KCNMB4: variants seen among roughly 807,000 people sequenced by gnomAD.
The protein encoded by KCNMB4 is calcium-activated potassium channel subunit beta-4.
A neutral mutation model predicts 20.7 loss-of-function variants in KCNMB4; 3 were observed. That is an observed-to-expected ratio of 0.14 (90% CI 0.07 to 0.37). The LOEUF is 0.37. Ranked by LOEUF, KCNMB4 falls within the 10% of genes least tolerant of loss-of-function variation. The pLI, the probability that KCNMB4 is intolerant of heterozygous loss-of-function variation, is 1.00. For synonymous variants in KCNMB4, 110 were observed against 113.4 expected (o/e 0.97, Z 0.19); for missense variants, 168 against 265.9 (o/e 0.63, Z 2.56).
intron 1 of KCNMB4, among the ~76,000 whole-genome samples, chr12:70,373,947 G>T (rs1194609425): frequency 6.6e-6 from 1 of 152,200 alleles, no homozygotes; most frequent in African/African-American, 2.4e-5. Context: ...ATTTAAGTAT[G>T]TGCTTTAGGA....
At chr12:70,426,910 T>G (rs1447412197) in intron 2 of KCNMB4, among the ~76,000 whole-genome samples, 2 of 152,190 alleles carry the variant, frequency 1.3e-5, no homozygotes, top group Non-Finnish European at 2.9e-5. Flanking sequence ...CAGTATTTAC[T>G]CTTCTTTTGT....
intron 2 of KCNMB4, among the ~76,000 whole-genome samples, chr12:70,407,294 C>T (rs761494063): frequency 2.0e-4 from 30 of 151,992 alleles, no homozygotes; most frequent in Non-Finnish European, 3.7e-4. Context: ...ACCACCTTCC[C>T]AGCACCTTGA....
At position 70,431,796 on chromosome 12, in the gene KCNMB4, C is replaced by T. The variant is rs937999678; in HGVS notation, c.*1143C>T. ...TCTCAGTGAACATCAAACCTATTTA[C>T]TACATAGAATCAAACCTTTGTTTAG... On this transcript the variant is annotated 3_prime_UTR_variant, in exon 3 of 3. Transcript: ENST00000258111. 1.3e-5 allele frequency: 2 copies of T among 152,116 alleles called. No homozygotes were observed. The highest frequency in any genetic ancestry group is 2.9e-5 in the Non-Finnish European group (2 of 68,024). 9.4% of individuals were successfully genotyped at this position (152,116 alleles called of 1,614,324 possible).
intron 2 of KCNMB4, among the ~76,000 whole-genome samples, chr12:70,414,154 C>A (rs991716779): frequency 6.6e-6 from 1 of 152,104 alleles, no homozygotes; most frequent in Non-Finnish European, 1.5e-5. Flanking sequence ...ATTGCTTGAA[C>A]CCGGGAGGCA....
At chr12:70,392,755 TCTCA>T (rs1371476721) in intron 1 of KCNMB4, among the ~76,000 whole-genome samples, 9 of 152,134 alleles carry the variant, frequency 5.9e-5, no homozygotes, top group African/African-American at 2.2e-4. Flanking sequence ...CACTGCATGT[TCTCA>T]CTCATAAGTG....
intron 2 of KCNMB4, among the ~76,000 whole-genome samples, chr12:70,410,546 G>C (rs766643974): frequency 5.9e-5 from 9 of 152,200 alleles, no homozygotes; most frequent in Non-Finnish European, 1.2e-4. Context: ...AAATTGTGCA[G>C]CTTCTCCATC....
chr12:70,388,732 A>G (rs1868276852), intron 1 of KCNMB4, among the ~76,000 whole-genome samples: 1 of 152,192 alleles, frequency 6.6e-6, no homozygotes, highest in African/African-American at 2.4e-5. Flanking sequence ...GTAAAATGAG[A>G]ATTATAATAG....
chr12:70,387,592 G>C (rs573345291), intron 1 of KCNMB4, among the ~76,000 whole-genome samples: 1 of 151,856 alleles, frequency 6.6e-6, no homozygotes, highest in African/African-American at 2.4e-5. Flanking sequence ...AGTACAGACG[G>C]GGTTTTACCA....
intron 1 of KCNMB4, among the ~76,000 whole-genome samples, chr12:70,390,644 T>TCTGG (rs1257571649): frequency 2.0e-5 from 3 of 152,316 alleles, no homozygotes; most frequent in Admixed American, 6.5e-5. Context: ...CTGCTCTGAT[T>TCTGG]GCTACTGAAA....
Position 70,399,518 on chromosome 12 carries a change from G to A in KCNMB4, c.337-691G>A, listed in dbSNP as rs1449171945. 2.0e-5 allele frequency among the ~76,000 whole-genome samples: 3 copies of A among 152,224 alleles called. No individual in the cohort carries two copies. The East Asian group carries it at 5.8e-4, about 29-fold the overall frequency. ...CGTCATCGTTGTAAAAAGCTGAATT[G>A]CAGAAAATGGATTAGAATGCCGAGA... On this transcript the variant is annotated intron_variant, in intron 1 of 2. Coordinates refer to ENST00000258111, the MANE Select transcript of KCNMB4 (RefSeq NM_014505.6).
intron 2 of KCNMB4, among the ~76,000 whole-genome samples, chr12:70,402,949 T>C (rs11178221): frequency 0.59 from 90,030 of 151,982 alleles, 26,890 homozygotes; most frequent in East Asian, 0.77. Context: ...GCAACCTCCC[T>C]TCATGTATCC....
chr12:70,406,924 A>G (rs536416116), intron 2 of KCNMB4, among the ~76,000 whole-genome samples: 16 of 152,318 alleles, frequency 1.1e-4, no homozygotes, highest in African/African-American at 3.4e-4. Context: ...TCTCGCAACA[A>G]TTCTGACACC....
chr12:70,397,386 A>C (rs1476214199), intron 1 of KCNMB4, among the ~76,000 whole-genome samples: 1 of 152,176 alleles, frequency 6.6e-6, no homozygotes, highest in South Asian at 2.1e-4. Context: ...TAGTTTTAAA[A>C]AGTTGCTAGA....
intron 2 of KCNMB4, among the ~76,000 whole-genome samples, chr12:70,425,311 G>A (rs1325306602): frequency 4.6e-5 from 7 of 152,048 alleles, no homozygotes; most frequent in African/African-American, 1.2e-4. Flanking sequence ...GGTGGTGGGC[G>A]CCTGTAGTCC....
At chr12:70,389,002 C>T (rs1253568262) in intron 1 of KCNMB4, among the ~76,000 whole-genome samples, 3 of 148,534 alleles carry the variant, frequency 2.0e-5, no homozygotes, top group Admixed American at 1.3e-4. Context: ...CTCTGTGTTT[C>T]TAAACAATAG....
chr12:70,395,076 A>G (rs1218659299), intron 1 of KCNMB4, among the ~76,000 whole-genome samples: 1 of 148,466 alleles, frequency 6.7e-6, no homozygotes, highest in Non-Finnish European at 1.5e-5. Flanking sequence ...TAGCTGACAG[A>G]TATTTCTTAT....
intron 2 of KCNMB4, among the ~76,000 whole-genome samples, chr12:70,409,669 G>C (rs1158292691): frequency 6.6e-6 from 1 of 152,216 alleles, no homozygotes; most frequent in Non-Finnish European, 1.5e-5. Flanking sequence ...ATTACGGCAT[G>C]ATGGGGAATT....
chr12:70,379,159 T>C (rs1458832970), intron 1 of KCNMB4, among the ~76,000 whole-genome samples: 2 of 152,152 alleles, frequency 1.3e-5, no homozygotes, highest in Non-Finnish European at 2.9e-5. Flanking sequence ...TTAAGGGCCG[T>C]AGGATCTTTG....
intron 1 of KCNMB4, among the ~76,000 whole-genome samples, chr12:70,387,491 C>G (rs1380503604): frequency 6.7e-6 from 1 of 148,328 alleles, no homozygotes; most frequent in Non-Finnish European, 1.5e-5. Context: ...CAACCTCCTT[C>G]TACCAGTTTC....
Sources: gnomAD v4.1 joint callset for allele counts (sites outside exome capture counted in the v4.1 genomes callset) on GRCh38, gnomAD v4.1.1 for gene constraint, MANE v1.5 for transcripts, NCBI Gene and HGNC (gene_info 2026-07-23, HGNC 2026-07-21) for gene names.